The following MAST4 variants were observed in gnomAD, a reference collection of about 807,000 sequenced individuals.
The protein encoded by MAST4 is microtubule associated serine/threonine kinase family member 4.
A neutral mutation model predicts 162.7 loss-of-function variants in MAST4; 89 were observed. The ratio of observed to expected loss-of-function variants is 0.55; its 90% CI spans 0.46 to 0.65. The LOEUF (loss-of-function observed/expected upper bound fraction) is 0.65. Among genes scored for constraint, MAST4 ranks in the 30% least tolerant of loss-of-function variants. The probability of loss-of-function intolerance (pLI) is 0.00; values close to 1 mark genes in which losing one functional copy is unlikely to be tolerated. For missense variants in MAST4, 3,153 were observed against 3,374.0 expected, an observed-to-expected ratio of 0.93 and a Z score of 1.62; for synonymous variants, 1,479 against 1,361.1, an observed-to-expected ratio of 1.09 and a Z score of -1.91.
chr5:66,952,494 T>G (rs1262976000), intron 4 of MAST4, among the ~76,000 whole-genome samples: 1 of 151,934 alleles, frequency 6.6e-6, no homozygotes, highest in Non-Finnish European at 1.5e-5. Context: ...GTTTCTTACC[T>G]CCTCATCATA....
At chr5:66,949,326 G>C (rs1744398392) in intron 4 of MAST4, among the ~76,000 whole-genome samples, 1 of 152,120 alleles carries the variant, frequency 6.6e-6, no homozygotes, top group Non-Finnish European at 1.5e-5. Flanking sequence ...ACATGTCAAG[G>C]GCAGGACCAG....
rs148209879 is a variant in MAST4, at chr5:66,637,731, G to A, written c.363+40713G>A. ...TCTTTCTTTTTTTCTTTTGAGACAG[G>A]GTCTTACTCTGCCTCCCAGGCTGGA... On this transcript the variant is annotated intron_variant, in intron 1 of 28. Coordinates refer to ENST00000403625, the MANE Select transcript of MAST4 (RefSeq NM_001164664.2). Among the ~76,000 whole-genome samples the A allele has an allele frequency of 4.7e-3, 714 of 151,776 alleles. 5 individuals carry two copies. The highest frequency in any genetic ancestry group is 0.017 in the Middle Eastern group (5 of 294).
rs777513047 is a variant in MAST4, at chr5:67,136,654, G to A, written c.2484G>A (p.Arg828=). 2 of 1,596,318 alleles carry A rather than the reference G, an allele frequency of 1.3e-6. No homozygotes were observed. The highest frequency in any genetic ancestry group is 1.1e-5 in the South Asian group (1 of 87,592). ...TLLLRQNPLE[R]LGTGGAYEVK... ...TCCTCAGGCAGAATCCCCTGGAGAGGCTGGGAACAGGTTAGAGCCCATGTG... is the reference window on the plus strand; with the variant it reads ...TCCTCAGGCAGAATCCCCTGGAGAGACTGGGAACAGGTTAGAGCCCATGTG... Residue 828 remains arginine, a synonymous_variant, in exon 19 of 29, where the codon AGG becomes AGA. Transcript: ENST00000403625.
intron 15 of MAST4, among the ~76,000 whole-genome samples, chr5:67,131,559 T>C (rs1218968560): frequency 6.6e-6 from 1 of 152,160 alleles, no homozygotes; most frequent in African/African-American, 2.4e-5. Flanking sequence ...TGCTAGCCGT[T>C]CTTTAAAGTA....
intron 5 of MAST4, among the ~76,000 whole-genome samples, chr5:67,061,261 A>G (rs1156861624): frequency 2.6e-5 from 4 of 152,204 alleles, no homozygotes; most frequent in Non-Finnish European, 4.4e-5. Flanking sequence ...TGAAGAGTCC[A>G]TCAGTACAAG....
chr5:66,820,534 T>C (rs1756942666), intron 3 of MAST4, among the ~76,000 whole-genome samples: 1 of 152,182 alleles, frequency 6.6e-6, no homozygotes, highest in Non-Finnish European at 1.5e-5. Flanking sequence ...GGGACATAAT[T>C]GAAAAAATAT....
chr5:67,057,078 T>C (rs749835839), intron 5 of MAST4, among the ~76,000 whole-genome samples: 2 of 152,196 alleles, frequency 1.3e-5, no homozygotes. Flanking sequence ...TGTCAGACTT[T>C]CTGTGAGAAG....
chr5:66,618,871 A>G (rs1743890719), intron 1 of MAST4, among the ~76,000 whole-genome samples: 1 of 152,212 alleles, frequency 6.6e-6, no homozygotes, highest in South Asian at 2.1e-4. Context: ...GAGAGGAAAC[A>G]GAGAAGGATG....
chr5:66,614,720 A>C (rs1035950349), intron 1 of MAST4, among the ~76,000 whole-genome samples: 2 of 152,194 alleles, frequency 1.3e-5, no homozygotes, highest in African/African-American at 4.8e-5. Context: ...CCAAAAAGAC[A>C]TGGTACTTCC....
chr5:66,867,022 A>G (rs1288462333), intron 3 of MAST4, among the ~76,000 whole-genome samples: 1 of 152,112 alleles, frequency 6.6e-6, no homozygotes, highest in African/African-American at 2.4e-5. Flanking sequence ...CAGCCTTCCA[A>G]AGTGCTAGGG....
chr5:66,837,672 A>G (rs1352005889), intron 3 of MAST4, among the ~76,000 whole-genome samples: 1 of 151,670 alleles, frequency 6.6e-6, no homozygotes, highest in Non-Finnish European at 1.5e-5. Flanking sequence ...AATCACAGCA[A>G]TTCAATTAGC....
At chr5:66,876,059 G>A (rs116653563) in intron 3 of MAST4, among the ~76,000 whole-genome samples, 2 of 152,232 alleles carry the variant, frequency 1.3e-5, no homozygotes, top group African/African-American at 2.4e-5. Flanking sequence ...GAGCCACTGT[G>A]CCTGGCCCCA....
chr5:66,699,127 G>A (rs1040022822), intron 1 of MAST4, among the ~76,000 whole-genome samples: 2 of 152,030 alleles, frequency 1.3e-5, no homozygotes, highest in African/African-American at 4.8e-5. Flanking sequence ...CACGCCCTCC[G>A]GCACAATCTC....
intron 1 of MAST4, among the ~76,000 whole-genome samples, chr5:66,720,608 T>C (rs1432079416): frequency 6.6e-6 from 1 of 152,172 alleles, no homozygotes; most frequent in Non-Finnish European, 1.5e-5. Flanking sequence ...TCTTCCTTGA[T>C]GAGCCTCGCA....
At chr5:66,626,608 C>T (rs770078071) in intron 1 of MAST4, among the ~76,000 whole-genome samples, 3 of 152,182 alleles carry the variant, frequency 2.0e-5, no homozygotes, top group African/African-American at 7.2e-5. Context: ...AAATTTATGA[C>T]AGTTAAAGTG....
intron 2 of MAST4, among the ~76,000 whole-genome samples, chr5:66,767,693 G>A (rs1373693632): frequency 3.9e-5 from 6 of 152,020 alleles, no homozygotes; most frequent in Admixed American, 3.9e-4. Context: ...CCATTTGCAA[G>A]CTGAGGAGTA....
intron 4 of MAST4, among the ~76,000 whole-genome samples, chr5:66,963,244 A>T (rs1161298352): frequency 1.3e-5 from 2 of 152,264 alleles, no homozygotes; most frequent in African/African-American, 4.8e-5. Context: ...GGTCTTTGTT[A>T]TAAGGAAGAC....
intron 3 of MAST4, among the ~76,000 whole-genome samples, chr5:66,879,586 A>G (rs947941526): frequency 2.0e-5 from 3 of 152,178 alleles, no homozygotes; most frequent in African/African-American, 4.8e-5. Context: ...CTCACGGCTC[A>G]CTGTAGCCTT....
chr5:66,919,958 TTCCTTCCTTCCTTCC>T (rs1316382408), intron 4 of MAST4, among the ~76,000 whole-genome samples: 2,820 of 65,994 alleles, frequency 0.043, 100 homozygotes, highest in African/African-American at 0.11. Flanking sequence ...CCTTCCTTCC[TTCCTTCCTTCCTTCC>T]TTCTTTCTCT....
Sources: gnomAD v4.1 joint callset for allele counts (sites outside exome capture counted in the v4.1 genomes callset) on GRCh38, gnomAD v4.1.1 for gene constraint, MANE v1.5 for transcripts, NCBI Gene and HGNC (gene_info 2026-07-23, HGNC 2026-07-21) for gene names.